LIMS2: variants seen among roughly 807,000 people sequenced by gnomAD.
LIMS2 encodes LIM zinc finger domain containing 2.
In LIMS2, 30 loss-of-function variants were observed where a neutral mutation model predicts 45.3. The ratio of observed to expected loss-of-function variants is 0.66; its 90% CI spans 0.50 to 0.90. The LOEUF is 0.90. LIMS2 is among the 40% of genes least tolerant of loss of function. LIMS2 has a pLI of 0.00. For missense variants in LIMS2, 485 were observed against 468.7 expected, an observed-to-expected ratio of 1.03 and a Z score of -0.32; for synonymous variants, 173 against 188.0, an observed-to-expected ratio of 0.92 and a Z score of 0.65.
intron 4 of LIMS2, chr2:127,643,355 C>T: frequency 1.9e-6 from 1 of 521,486 alleles, no homozygotes; most frequent in East Asian, 4.4e-5. Context: ...AAGCCTGGGG[C>T]ATGCTGCAGA....
In LIMS2 at chr2:127,654,823, G is replaced by C; in HGVS notation, c.238+7C>G. The C allele has an allele frequency of 6.2e-7, 1 of 1,614,008 alleles. No homozygotes were observed. The highest frequency in any genetic ancestry group is 8.5e-7 in the Non-Finnish European group (1 of 1,179,916). On this transcript the variant is annotated splice_region_variant and intron_variant, in intron 3 of 9. Coordinates refer to ENST00000355119, the MANE Select transcript of LIMS2 (RefSeq NM_001161403.3). ...CAGCCCAGGATGTGTACTGTCACCGGCCTTACCGCAGGATCCACAGCACGG... is the reference window on the plus strand; with the variant it reads ...CAGCCCAGGATGTGTACTGTCACCGCCCTTACCGCAGGATCCACAGCACGG...
At chr2:127,643,095 G>A (rs1682605295) in intron 4 of LIMS2, 23 bp from the exon 5 acceptor site, 1 of 1,551,456 alleles carries the variant, frequency 6.4e-7, no homozygotes. Flanking sequence ...GGGGCATTAG[G>A]GGCAGAGCCC....
intron 4 of LIMS2, chr2:127,648,017 C>T: frequency 1.0e-6 from 1 of 985,804 alleles, no homozygotes. Flanking sequence ...GCCTGTCTCC[C>T]TCTCCCAAGC....
At chr2:127,651,069 T>C in intron 4 of LIMS2, 1 of 1,613,790 alleles carries the variant, frequency 6.2e-7, no homozygotes, top group Non-Finnish European at 8.5e-7. Flanking sequence ...CTTCCTCTTC[T>C]ACCTCAACAT....
intron 4 of LIMS2, chr2:127,650,525 G>A (rs1170683722): frequency 1.7e-6 from 1 of 585,648 alleles, no homozygotes; most frequent in Non-Finnish European, 3.0e-6. Context: ...GCCTTGTGCT[G>A]AAGTTCAGAA....
intron 4 of LIMS2, chr2:127,650,701 G>A (rs1187519084): frequency 3.8e-6 from 6 of 1,579,414 alleles, no homozygotes; most frequent in Non-Finnish European, 4.3e-6. Flanking sequence ...TGAACTGTTT[G>A]CTTGTTCCCT....
At chr2:127,649,151 G>A (rs951919651) in intron 4 of LIMS2, among the ~76,000 whole-genome samples, 34 of 143,670 alleles carry the variant, frequency 2.4e-4, no homozygotes, top group African/African-American at 8.4e-4. Flanking sequence ...AGCGAAGTGA[G>A]AGAGAGAGGA....
chr2:127,651,956 G>T, intron 4 of LIMS2: 1 of 619,116 alleles, frequency 1.6e-6, no homozygotes, highest in South Asian at 2.1e-5. Flanking sequence ...CCCTCTGCAG[G>T]GGCTTGTGAT....
At chr2:127,651,131 C>T in intron 4 of LIMS2, 1 of 1,613,466 alleles carries the variant, frequency 6.2e-7, no homozygotes, top group Non-Finnish European at 8.5e-7. Flanking sequence ...GTTTCCTGGC[C>T]ATTGTGCACC....
At chr2:127,650,206 A>T in intron 4 of LIMS2, 1 of 777,168 alleles carries the variant, frequency 1.3e-6, no homozygotes, top group Non-Finnish European at 2.1e-6. Flanking sequence ...CGGCCACTGC[A>T]CCTGTGGGCA....
intron 6 of LIMS2, 70 bp from the exon 7 acceptor site, chr2:127,641,058 CG>C: frequency 3.1e-6 from 4 of 1,308,504 alleles, no homozygotes; most frequent in Non-Finnish European, 2.2e-6. Flanking sequence ...AGTGGTGACC[CG>C]GGGACAACAG....
intron 2 of LIMS2, among the ~76,000 whole-genome samples, chr2:127,656,783 T>C (rs1684285485): frequency 6.6e-6 from 1 of 152,154 alleles, no homozygotes; most frequent in Admixed American, 6.5e-5. Flanking sequence ...GGCTCCTGCC[T>C]CTTGCAGAGG....
At chr2:127,643,902 C>T (rs372823881) in intron 4 of LIMS2, among the ~76,000 whole-genome samples, 1 of 152,180 alleles carries the variant, frequency 6.6e-6, no homozygotes, top group African/African-American at 2.4e-5. Flanking sequence ...CCACTCCTCA[C>T]GAGCCTCCAC....
chr2:127,647,838 G>A lies in LIMS2; in HGVS notation c.360-4766C>T, dbSNP rs1683169097. 6.6e-6 allele frequency among the ~76,000 whole-genome samples: 1 copy of A among 151,826 alleles called. No individual in the cohort carries two copies. The highest frequency in any genetic ancestry group is 2.4e-5 in the African/African-American group (1 of 41,306). The stretch of plus-strand genomic sequence containing the variant: ...TCCTCACCCCCAGCACATGCAACAC[G>A]ACACCCTCAAAGTCATGGGCCCCCC... On this transcript the variant is annotated intron_variant, in intron 4 of 9. Coordinates refer to ENST00000355119, the MANE Select transcript of LIMS2 (RefSeq NM_001161403.3). This position sits in a 1 kb window ranked among gnomAD's most constrained non-coding sequence, Gnocchi z 4.3.
intron 1 of LIMS2, among the ~76,000 whole-genome samples, chr2:127,659,280 T>C (rs1039445681): frequency 6.6e-6 from 1 of 152,120 alleles, no homozygotes; most frequent in Admixed American, 6.5e-5. Flanking sequence ...CTGGGGTGCT[T>C]AGGAGACCAA....
intron 4 of LIMS2, among the ~76,000 whole-genome samples, chr2:127,648,966 G>A (rs1573781579): frequency 1.0e-4 from 2 of 19,186 alleles, no homozygotes; most frequent in Non-Finnish European, 2.3e-4. Context: ...GGAGGGGAGG[G>A]GGGGAGGGGA....
rs1685088864 is a variant in LIMS2 at position 127,667,944 on chromosome 2, C to T, written c.11+7070G>A. ...ATATAGAAAACTCGGAAGAATCCCT[C>T]CTCAAAAAAAGAAACCCTATTTACA... On this transcript the variant is annotated intron_variant, in intron 1 of 9. Coordinates refer to ENST00000355119, the MANE Select transcript of LIMS2 (RefSeq NM_001161403.3). This position sits in a 1 kb window ranked among gnomAD's most constrained non-coding sequence, Gnocchi z 4.1. 6.6e-6 allele frequency among the ~76,000 whole-genome samples: 1 copy of T among 152,080 alleles called. No individual in the cohort carries two copies. Among genetic ancestry groups the T allele is most frequent in the Non-Finnish European group, 1.5e-5 (1 of 68,032 alleles).
intron 1 of LIMS2, 143 bp downstream of exon 1, chr2:127,674,871 G>T: frequency 8.3e-7 from 1 of 1,211,642 alleles, no homozygotes; most frequent in South Asian, 4.2e-5. Flanking sequence ...GGGCGCTGCC[G>T]CCCCGGCAGC....
chr2:127,639,097 G>A lies in LIMS2; in HGVS notation c.*184C>T, dbSNP rs1371931359. 6 of 651,702 alleles carry A rather than the reference G, an allele frequency of 9.2e-6. No individual in the cohort carries two copies. The highest frequency in any genetic ancestry group is 5.9e-5 in the East Asian group (2 of 34,186). The allele number at this position is 651,702 out of a possible 1,614,324, so 40.4% of individuals were successfully genotyped here. A position where few individuals can be genotyped will look rare whatever the true frequency, so the allele number is the denominator to read the frequency against. On this transcript the variant is annotated 3_prime_UTR_variant, in exon 10 of 10. Coordinates refer to ENST00000355119, the MANE Select transcript of LIMS2 (RefSeq NM_001161403.3). ...CTGCCTCCTCACAGACAGAAGCCACGGCCAAGGAGAGGAGAGACATGGGGA... is the reference window on the plus strand; with the variant it reads ...CTGCCTCCTCACAGACAGAAGCCACAGCCAAGGAGAGGAGAGACATGGGGA...
Sources: gnomAD v4.1 joint callset for allele counts (sites outside exome capture counted in the v4.1 genomes callset) on GRCh38, gnomAD v4.1.1 for gene constraint, Gnocchi (gnomAD v3.1) non-coding constraint, MANE v1.5 for transcripts, NCBI Gene and HGNC (gene_info 2026-07-23, HGNC 2026-07-21) for gene names.